The following CPSF2 variants were observed in gnomAD, a reference collection of about 807,000 sequenced individuals.
The protein encoded by CPSF2 is cleavage and polyadenylation specificity factor subunit 2.
Under a neutral mutation model 84.2 loss-of-function variants are expected in CPSF2, and 51 were observed. That is an observed-to-expected ratio of 0.61 (90% CI 0.48 to 0.77). The LOEUF (loss-of-function observed/expected upper bound fraction) is 0.77. Ranked by LOEUF, CPSF2 falls within the 30% of genes least tolerant of loss-of-function variation. The pLI is 0.00. For missense variants in CPSF2, 641 were observed against 929.4 expected (o/e 0.69, Z 4.03); for synonymous variants, 286 against 311.9 (o/e 0.92, Z 0.87).
At position 92,166,793 on chromosome 14, in the gene CPSF2, A is replaced by G. The variant is rs937486849; in HGVS notation, c.*5049A>G. ...CACCCCTGTTTAAAATCAGTTGCCC[A>G]TGAGTGTATGGGTTTGTTCCTGGAC... On this transcript the variant is annotated 3_prime_UTR_variant, in exon 16 of 16. Transcript: ENST00000298875. 1 of 152,086 alleles carries G rather than the reference A, an allele frequency of 6.6e-6. No homozygotes were observed. The highest frequency in any genetic ancestry group is 1.5e-5 in the Non-Finnish European group (1 of 68,028). The allele number at this position is 152,086 out of a possible 1,614,324, so 9.4% of individuals were successfully genotyped here. A position where few individuals can be genotyped will look rare whatever the true frequency, so the allele number is the denominator to read the frequency against.
chr14:92,136,941 T>C (rs2069007553), intron 6 of CPSF2, among the ~76,000 whole-genome samples: 1 of 151,878 alleles, frequency 6.6e-6, no homozygotes, highest in Admixed American at 6.6e-5. Context: ...TTTGTAAGCA[T>C]AAAAATAATG....
intron 15 of CPSF2, 147 bp from the exon 16 acceptor site, chr14:92,161,505 C>T (rs2069371450): frequency 3.3e-6 from 2 of 599,872 alleles, no homozygotes; most frequent in African/African-American, 3.9e-5. Flanking sequence ...AAATTCATGA[C>T]TTCAATATTA....
chr14:92,161,129 A>T lies in CPSF2; in HGVS notation c.2139A>T (p.Ser713=). Residue 713 remains serine (S), a synonymous_variant, in exon 15 of 16, where the codon TCA becomes TCT. Coordinates refer to ENST00000298875, the MANE Select transcript of CPSF2 (RefSeq NM_017437.3). ...LPPHEVPGHQ[S]VFMNEPRLSD... Reference sequence around the variant, plus strand: ...TATCTAAGGTTCCTGGACATCAGTCAGTTTTTATGAATGAACCAAGGCTGT... The same window carrying T: ...TATCTAAGGTTCCTGGACATCAGTCTGTTTTTATGAATGAACCAAGGCTGT... 1.2e-6 allele frequency: 2 copies of T among 1,613,612 alleles called. No homozygotes were observed. Among genetic ancestry groups the T allele is most frequent in the Non-Finnish European group, 1.7e-6 (2 of 1,179,802 alleles).
Position 92,131,112 on chromosome 14 carries a change from A to C in CPSF2, c.128A>C (p.Asp43Ala), listed in dbSNP as rs766707142. 1 of 1,603,794 alleles carries C rather than the reference A, an allele frequency of 6.2e-7. No homozygotes were observed. Among genetic ancestry groups the C allele is most frequent in the Non-Finnish European group, 8.5e-7 (1 of 1,177,046 alleles). ...DCGWDEHFSM[D>A]IIDSLRKHVH... is the part of the protein sequence containing the mutation. ...GGCTGGGATGAGCACTTTTCTATGG[A>C]TATTATTGATTCCCTGAGGAAGTAA... The change falls in exon 3 of 16, where the codon GAT becomes GCT. Residue 43 changes from aspartate to alanine, a missense_variant. Asp to Ala is a moderately radical substitution (Grantham distance 126). Around this residue, in one of 2 missense-constraint regions of CPSF2, gnomAD observed 211 missense variants for 375.7 expected, o/e 0.56. Transcript: ENST00000298875.
intron 14 of CPSF2, 53 bp from the exon 15 acceptor site, chr14:92,161,059 G>A (rs547094283): frequency 1.3e-6 from 2 of 1,561,666 alleles, no homozygotes; most frequent in South Asian, 2.3e-5. Context: ...CAGTACAGTT[G>A]TATGTCTGGT....
intron 6 of CPSF2, among the ~76,000 whole-genome samples, chr14:92,136,796 T>C (rs1194353471): frequency 6.6e-6 from 1 of 152,222 alleles, no homozygotes; most frequent in East Asian, 1.9e-4. Flanking sequence ...GTAAATGGTA[T>C]TGAAGGATTC....
At chr14:92,122,640 C>T (rs1420296749) in intron 1 of CPSF2, among the ~76,000 whole-genome samples, 2 of 152,168 alleles carry the variant, frequency 1.3e-5, no homozygotes, top group East Asian at 3.9e-4. Flanking sequence ...CCTTCGCGCC[C>T]TCCCGCCATC....
chr14:92,126,248 T>C (rs78671731), intron 2 of CPSF2, 68 bp downstream of exon 2: 1 of 152,240 alleles, frequency 6.6e-6, no homozygotes, highest in Non-Finnish European at 1.5e-5. Flanking sequence ...TATCTTTTCA[T>C]CTGTTGAAAT....
At position 92,131,049 on chromosome 14, in the gene CPSF2, T is replaced by C; in HGVS notation, c.65T>C (p.Leu22Pro). ...GVQEESALCY[L>P]LQVDEFRFLL... The stretch of plus-strand genomic sequence containing the variant: ...CAAGAAGAATCTGCCCTTTGCTATC[T>C]TCTCCAAGTTGATGAGTTTAGATTT... The change falls in exon 3 of 16, where the codon CTT becomes CCT. Residue 22 changes from leucine to proline, a missense_variant. Leu to Pro is a moderately conservative substitution (Grantham distance 98). This residue lies in a region of CPSF2 where 211 missense variants were observed against 375.7 expected (regional missense o/e 0.56). Transcript: ENST00000298875. The C allele has an allele frequency of 6.2e-7, 1 of 1,613,206 alleles. No homozygotes were observed. Among genetic ancestry groups the C allele is most frequent in the Non-Finnish European group, 8.5e-7 (1 of 1,179,530 alleles).
In CPSF2 at chr14:92,159,118, C is replaced by T; in HGVS notation, c.1957C>T (p.Leu653=). 1 of 1,613,924 alleles carries T rather than the reference C, an allele frequency of 6.2e-7. No homozygotes were observed. The highest frequency in any genetic ancestry group is 8.5e-7 in the Non-Finnish European group (1 of 1,179,976). ...DTGVILEEGE[L]KDDGEDSEMQ... ...AGGGGTTATTTTAGAAGAAGGAGAA[C>T]TAAAGGATGATGGAGAAGACTCAGA... is the stretch of plus-strand genomic sequence containing the variant. The change falls in exon 14 of 16, where the codon CTA becomes TTA. Residue 653 remains leucine, a synonymous_variant. Transcript: ENST00000298875.
Position 92,161,109 on chromosome 14 carries a change from A to G in CPSF2, c.2122-3A>G, listed in dbSNP as rs750136097. On this transcript the variant is annotated splice_region_variant and splice_polypyrimidine_tract_variant and intron_variant, in intron 14 of 15. Transcript: ENST00000298875. ...TATTCTTTCCCCTTTGACCTTATCTAAGGTTCCTGGACATCAGTCAGTTTT... is the reference window on the plus strand; with the variant it reads ...TATTCTTTCCCCTTTGACCTTATCTGAGGTTCCTGGACATCAGTCAGTTTT... 16 of 1,613,410 alleles carry G rather than the reference A, an allele frequency of 9.9e-6. No individual in the cohort carries two copies. The highest frequency in any genetic ancestry group is 1.4e-5 in the Non-Finnish European group (16 of 1,179,702).
chr14:92,152,912 T>C (rs2069239951), intron 9 of CPSF2, among the ~76,000 whole-genome samples: 1 of 152,096 alleles, frequency 6.6e-6, no homozygotes, highest in Admixed American at 6.6e-5. Flanking sequence ...ACTACTGATT[T>C]AATCATTCCA....
At position 92,122,286 on chromosome 14, in the gene CPSF2, G is replaced by A. The variant is rs534897835; in HGVS notation, c.-94+158G>A. The A allele has an allele frequency of 3.0e-5, 7 of 230,122 alleles. No individual in the cohort carries two copies. The East Asian group carries it at 7.1e-4, about 23-fold the overall frequency. 14.3% of individuals were successfully genotyped at this position (230,122 alleles called of 1,614,324 possible). A position where few individuals can be genotyped will look rare whatever the true frequency, so the allele number is the denominator to read the frequency against. ...GTCCCGGTCGTTCCCGGCAGAAGTG[G>A]TCAGCGAGGGAAAGAGAAGTGACTT... On this transcript the variant is annotated intron_variant, in intron 1 of 15. Transcript: ENST00000298875.
chr14:92,155,150 T>G lies in CPSF2; in HGVS notation c.1269T>G (p.Ser423Arg). 6.2e-7 allele frequency: 1 copy of G among 1,613,472 alleles called. No individual in the cohort carries two copies. The change falls in exon 11 of 16, where the codon AGT becomes AGG. Residue 423 changes from serine (S) to arginine (R), a missense_variant. Around this residue, in one of 2 missense-constraint regions of CPSF2, gnomAD observed 430 missense variants for 553.6 expected, o/e 0.78. Transcript: ENST00000298875. ...KEADIDSSDESDIEEDIDQPS... is the reference protein window; with the variant it reads ...KEADIDSSDERDIEEDIDQPS... ...CAGATATAGATTCCAGTGATGAGAG[T>G]GATATTGAGGAAGATATTGACCAGC...
At chr14:92,148,664 G>T (rs189413408) in intron 9 of CPSF2, among the ~76,000 whole-genome samples, 17 of 150,278 alleles carry the variant, frequency 1.1e-4, no homozygotes, top group Admixed American at 8.0e-4. Flanking sequence ...AAAGAGATGG[G>T]AGCAAGGTGT....
Position 92,167,679 on chromosome 14 carries a change from T to G in CPSF2, c.*5935T>G, listed in dbSNP as rs1173466864. 8 of 152,192 alleles carry G rather than the reference T, an allele frequency of 5.3e-5. No homozygotes were observed. The highest frequency in any genetic ancestry group is 4.1e-4 in the South Asian group (2 of 4,832). 9.4% of individuals were successfully genotyped at this position (152,192 alleles called of 1,614,324 possible). ...GCTGTTATTTAGGACAGTGGCATGC[T>G]GAGAAATAGATTGATTTCTATTCTA... On this transcript the variant is annotated 3_prime_UTR_variant, in exon 16 of 16. Coordinates refer to ENST00000298875, the MANE Select transcript of CPSF2 (RefSeq NM_017437.3).
chr14:92,145,273 A>G (rs570199254), intron 9 of CPSF2, among the ~76,000 whole-genome samples: 1 of 152,238 alleles, frequency 6.6e-6, no homozygotes, highest in East Asian at 1.9e-4. Context: ...TCACTCTGTC[A>G]CCCAGCCTGG....
At chr14:92,141,864 T>G (rs2069082674) in intron 7 of CPSF2, among the ~76,000 whole-genome samples, 1 of 152,188 alleles carries the variant, frequency 6.6e-6, no homozygotes, top group African/African-American at 2.4e-5. Flanking sequence ...ATTTTCTCAG[T>G]GATACACACA....
At chr14:92,144,035 G>A (rs1333644071) in intron 9 of CPSF2, among the ~76,000 whole-genome samples, 1 of 152,138 alleles carries the variant, frequency 6.6e-6, no homozygotes, top group African/African-American at 2.4e-5. Flanking sequence ...TACTTTGAAT[G>A]GAGTACACGT....
Sources: gnomAD v4.1 joint callset for allele counts (sites outside exome capture counted in the v4.1 genomes callset) on GRCh38, gnomAD v4.1.1 for gene constraint, gnomAD v4.1.1 regional missense constraint, MANE v1.5 for transcripts, NCBI Gene and HGNC (gene_info 2026-07-23, HGNC 2026-07-21) for gene names.